ZNF343: variants seen among roughly 807,000 people sequenced by gnomAD.
ZNF343 encodes zinc finger protein 343.
A neutral mutation model predicts 13.8 loss-of-function variants in ZNF343; 11 were observed. The ratio of observed to expected loss-of-function variants is 0.80; its 90% CI spans 0.50 to 1.32. The LOEUF (loss-of-function observed/expected upper bound fraction) is 1.32, where lower values mean the gene tolerates loss of function less well. ZNF343 is among the 40% of genes most tolerant of loss of function. ZNF343 has a pLI of 0.00. For missense variants in ZNF343, 658 were observed against 714.2 expected (o/e 0.92, Z 0.90); for synonymous variants, 248 against 260.0 (o/e 0.95, Z 0.44).
chr20:2,516,425 G>C (rs1298161671), intron 1 of ZNF343, among the ~76,000 whole-genome samples: 2 of 152,126 alleles, frequency 1.3e-5, no homozygotes, highest in African/African-American at 2.4e-5. Flanking sequence ...GAGGGTTAGT[G>C]TTTGATTTAG....
rs2085704562 is a variant in ZNF343 at position 2,508,484 on chromosome 20, G to A, written c.-237+397C>T. 6.6e-6 allele frequency among the ~76,000 whole-genome samples: 1 copy of A among 152,142 alleles called. No individual in the cohort carries two copies. The highest frequency in any genetic ancestry group is 2.1e-4 in the South Asian group (1 of 4,830). Reference sequence around the variant, plus strand: ...TAGCCACGTCCCCACCCCAGCCGCGGGGATGTTGGTCCATTTGGCCCTGGC... The same window carrying A: ...TAGCCACGTCCCCACCCCAGCCGCGAGGATGTTGGTCCATTTGGCCCTGGC... On this transcript the variant is annotated intron_variant, in intron 1 of 5. Coordinates refer to ENST00000278772, the MANE Select transcript of ZNF343 (RefSeq NM_024325.6). This position sits in a 1 kb window ranked among gnomAD's most constrained non-coding sequence, Gnocchi z 4.5.
exon 1 of ZNF343, chr20:2,524,466 G>A (rs955021600): frequency 1.3e-5 from 2 of 152,562 alleles, no homozygotes; most frequent in African/African-American, 4.8e-5. Flanking sequence ...GTGAGGCTGG[G>A]TTTCGCGTTC....
chr20:2,493,695 A>G, intron 3 of ZNF343, 83 bp downstream of exon 3: 2 of 1,380,302 alleles, frequency 1.4e-6, no homozygotes, highest in Non-Finnish European at 2.0e-6. Context: ...CACTTAACTC[A>G]GAGGTGACCT....
rs1440502138 is a variant in ZNF343 at position 2,483,631 on chromosome 20, G to A, written c.1330C>T (p.Arg444Ter). The change falls in exon 6 of 6, where the codon CGA becomes TGA. Residue 444 changes from arginine to a stop codon, truncating the protein, a stop_gained. Transcript: ENST00000278772. LOFTEE classifies it low-confidence loss of function (END_TRUNC). ...EKPYVCRECG[R>*]GFCDKSTLII... ...AGGGTTGACTTGTCACAAAAGCCTC[G>A]CCCACACTCCCTGCAAACATAAGGC... 2.5e-6 allele frequency: 4 copies of A among 1,613,172 alleles called. No individual in the cohort carries two copies. Among genetic ancestry groups the A allele is most frequent in the East Asian group, 2.2e-5 (1 of 44,854 alleles).
At chr20:2,504,115 A>G (rs559417057) in intron 1 of ZNF343, among the ~76,000 whole-genome samples, 1 of 152,218 alleles carries the variant, frequency 6.6e-6, no homozygotes, top group Non-Finnish European at 1.5e-5. Context: ...GCAATAAAAA[A>G]TGATAAAGGG....
At chr20:2,490,331 A>C (rs2085346502) in intron 5 of ZNF343, among the ~76,000 whole-genome samples, 1 of 152,172 alleles carries the variant, frequency 6.6e-6, no homozygotes, top group African/African-American at 2.4e-5. Flanking sequence ...CCCAGAGAAA[A>C]GAAAAAGAAG....
chr20:2,512,269 C>T (rs1390675655), upstream of ZNF343, among the ~76,000 whole-genome samples: 1 of 152,206 alleles, frequency 6.6e-6, no homozygotes, highest in Non-Finnish European at 1.5e-5. Flanking sequence ...AGATGCAATG[C>T]TATCCTTGTC....
chr20:2,518,368 C>T lies in ZNF343; in HGVS notation c.-347+6087G>A, dbSNP rs536925868. Reference sequence around the variant, plus strand: ...ATTATAATGAATCAAAAGCAGTATTCGTGTAAATGAGCTCATTGTCACATT... The same window carrying T: ...ATTATAATGAATCAAAAGCAGTATTTGTGTAAATGAGCTCATTGTCACATT... On this transcript the variant is annotated intron_variant, in intron 1 of 6. Coordinates refer to the ZNF343 transcript ENST00000358413. The surrounding 1 kb of genome is among the most constrained non-coding windows in gnomAD (Gnocchi z 4.6). Among the ~76,000 whole-genome samples, 12 of 152,240 alleles carry T rather than the reference C, an allele frequency of 7.9e-5. No individual in the cohort carries two copies. The South Asian group carries it at 1.2e-3, about 16-fold the overall frequency.
intron 1 of ZNF343, among the ~76,000 whole-genome samples, chr20:2,515,868 C>T (rs777874676): frequency 6.6e-6 from 1 of 151,932 alleles, no homozygotes; most frequent in South Asian, 2.1e-4. Context: ...ACAGTCAGGG[C>T]GATGATCCGT....
chr20:2,494,897 C>A (rs1211701866), intron 2 of ZNF343, among the ~76,000 whole-genome samples: 1 of 152,204 alleles, frequency 6.6e-6, no homozygotes, highest in Non-Finnish European at 1.5e-5. Flanking sequence ...CTCCTAGCTT[C>A]CATTGCTATG....
At chr20:2,484,875 C>G (rs2122548116) in intron 5 of ZNF343, among the ~76,000 whole-genome samples, 1 of 152,174 alleles carries the variant, frequency 6.6e-6, no homozygotes, top group East Asian at 1.9e-4. Flanking sequence ...CCAGGAACCT[C>G]TCAAGTGAGT....
chr20:2,485,321 T>C (rs1480047475), intron 5 of ZNF343, among the ~76,000 whole-genome samples: 2 of 152,340 alleles, frequency 1.3e-5, no homozygotes, highest in East Asian at 3.9e-4. Flanking sequence ...CCACTTTTCA[T>C]AAATCAGTAA....
At chr20:2,490,391 AT>A (rs1297724058) in intron 5 of ZNF343, among the ~76,000 whole-genome samples, 1 of 152,202 alleles carries the variant, frequency 6.6e-6, no homozygotes. Context: ...ACTGCGGAAC[AT>A]TATGGTGTCA....
In ZNF343 at chr20:2,493,899, G is replaced by A. The variant is rs117256574; in HGVS notation, c.-4C>T. On this transcript the variant is annotated 5_prime_UTR_variant, in exon 3 of 6. Coordinates refer to ENST00000278772, the MANE Select transcript of ZNF343 (RefSeq NM_024325.6). Reference sequence around the variant, plus strand: ...CTGAAGGATAAGGCAACATCATGGCGCCAGAGTCAGCCCAGTGTGTGCCTT... The same window carrying A: ...CTGAAGGATAAGGCAACATCATGGCACCAGAGTCAGCCCAGTGTGTGCCTT... The A allele has an allele frequency of 1.7e-4, 265 of 1,589,668 alleles. 2 individuals carry two copies. The East Asian group carries it at 4.3e-3, about 26-fold the overall frequency.
Position 2,484,431 on chromosome 20 carries a change from GAGCCA to G in ZNF343, c.525_529del (p.Gly176GlnfsTer28). On this transcript the variant is annotated frameshift_variant, in exon 6 of 6. Transcript: ENST00000278772. LOFTEE classifies it low-confidence loss of function (END_TRUNC). Reference sequence around the variant, plus strand: ...CTCTGTCCTTGCAGACCAGGGTTTGGAGCCACCTCCTCTCTCCTGACCTTCTGCAT... The same window carrying G: ...CTCTGTCCTTGCAGACCAGGGTTTGGCCTCCTCTCTCCTGACCTTCTGCAT... 1 of 1,614,170 alleles carries G rather than the reference GAGCCA, an allele frequency of 6.2e-7. No homozygotes were observed. Among genetic ancestry groups the G allele is most frequent in the Non-Finnish European group, 8.5e-7 (1 of 1,180,034 alleles).
intron 5 of ZNF343, 95 bp downstream of exon 5, chr20:2,492,604 G>A (rs2085383381): frequency 2.7e-6 from 4 of 1,470,356 alleles, no homozygotes; most frequent in East Asian, 4.6e-5. Flanking sequence ...TTACTAATGT[G>A]TTGTAAGTAT....
chr20:2,515,471 TAAAAAATATTCC>T (rs990522001), intron 1 of ZNF343, among the ~76,000 whole-genome samples: 6 of 152,212 alleles, frequency 3.9e-5, no homozygotes, highest in Non-Finnish European at 5.9e-5. Context: ...CAAAGAATCT[TAAAAAATATTCC>T]AAAAAATATT....
intron 2 of ZNF343, among the ~76,000 whole-genome samples, chr20:2,494,335 C>A (rs2085421861): frequency 1.3e-5 from 2 of 152,096 alleles, no homozygotes. Flanking sequence ...CTACCTGAAG[C>A]CTGAGTCAGA....
chr20:2,521,663 G>A (rs556878229), intron 1 of ZNF343, among the ~76,000 whole-genome samples: 1 of 152,354 alleles, frequency 6.6e-6, no homozygotes, highest in African/African-American at 2.4e-5. Flanking sequence ...GACCTAGCCA[G>A]TGGGTATATG....
Sources: gnomAD v4.1 joint callset for allele counts (sites outside exome capture counted in the v4.1 genomes callset) on GRCh38, gnomAD v4.1.1 for gene constraint, Gnocchi (gnomAD v3.1) non-coding constraint, MANE v1.5 for transcripts, NCBI Gene and HGNC (gene_info 2026-07-23, HGNC 2026-07-21) for gene names.